HS3ST1: variants seen among roughly 807,000 people sequenced by gnomAD.
HS3ST1 encodes heparan sulfate glucosamine 3-O-sulfotransferase 1.
Under a neutral mutation model 20.7 loss-of-function variants are expected in HS3ST1, and 8 were observed. The observed-to-expected ratio is 0.39, with a 90% CI of 0.23 to 0.70. HS3ST1 has a LOEUF of 0.70. Ranked by LOEUF, HS3ST1 falls within the 30% of genes least tolerant of loss-of-function variation. HS3ST1 has a pLI of 0.46. For missense variants in HS3ST1, 436 were observed against 423.4 expected, an observed-to-expected ratio of 1.03 and a Z score of -0.26; for synonymous variants, 205 against 190.4, an observed-to-expected ratio of 1.08 and a Z score of -0.63.
chr4:11,396,232 G>A lies in HS3ST1; in HGVS notation c.*2850C>T, dbSNP rs1718142280. The A allele has an allele frequency of 6.6e-6, 1 of 152,246 alleles. No homozygotes were observed. Among genetic ancestry groups the A allele is most frequent in the South Asian group, 2.1e-4 (1 of 4,836 alleles). 9.4% of individuals were successfully genotyped at this position (152,246 alleles called of 1,614,324 possible). On this transcript the variant is annotated 3_prime_UTR_variant, in exon 2 of 2. Coordinates refer to ENST00000002596, the MANE Select transcript of HS3ST1 (RefSeq NM_005114.4). The stretch of plus-strand genomic sequence containing the variant: ...TCCTAAACTTGCAAACCTTCAGGTT[G>A]TGAGCTGATAACCAAATGGTGTTAA...
intron 1 of HS3ST1, among the ~76,000 whole-genome samples, chr4:11,403,537 G>T (rs772834740): frequency 1.2e-4 from 18 of 152,164 alleles, no homozygotes; most frequent in Non-Finnish European, 2.4e-4. Context: ...AGGACTTTTG[G>T]CTCCAGAAGT....
rs6813342 is a variant in HS3ST1, at chr4:11,427,335, G to T, written c.-109+1364C>A. On this transcript the variant is annotated intron_variant, in intron 1 of 1. Transcript: ENST00000002596. ...GGGGCTACTGGCGGGAGGCGCAGCC[G>T]AGCTGGTGGTGGCGGGGTTTCCCTC... is the stretch of plus-strand genomic sequence containing the variant. 5.1e-3 allele frequency among the ~76,000 whole-genome samples: 769 copies of T among 152,240 alleles called. 4 individuals carry two copies. The highest frequency in any genetic ancestry group is 0.017 in the African/African-American group (718 of 41,558).
At chr4:11,408,542 G>A (rs185208841) in intron 1 of HS3ST1, among the ~76,000 whole-genome samples, 53 of 152,330 alleles carry the variant, frequency 3.5e-4, no homozygotes, top group South Asian at 8.3e-4. Flanking sequence ...GCTCCTGAAC[G>A]AATGATGAGC....
intron 1 of HS3ST1, among the ~76,000 whole-genome samples, chr4:11,414,947 TAAG>T (rs978650438): frequency 3.9e-5 from 6 of 152,040 alleles, no homozygotes; most frequent in Non-Finnish European, 5.9e-5. Flanking sequence ...CCCAGAAATG[TAAG>T]AAGAAAATGA....
chr4:11,418,373 T>C (rs760463689), intron 1 of HS3ST1, among the ~76,000 whole-genome samples: 1 of 152,242 alleles, frequency 6.6e-6, no homozygotes, highest in Non-Finnish European at 1.5e-5. Context: ...AATGGGTGCT[T>C]TGCATACATT....
intron 1 of HS3ST1, among the ~76,000 whole-genome samples, chr4:11,421,614 A>ACCTACCACAG (rs1360105717): frequency 6.6e-6 from 1 of 152,196 alleles, no homozygotes; most frequent in Non-Finnish European, 1.5e-5. Flanking sequence ...ACATAAAACA[A>ACCTACCACAG]CCTACCACAG....
rs140972324 is a variant in HS3ST1, at chr4:11,399,615, C to T, written c.391G>A (p.Glu131Lys). ...GACGGGTTCATGCTGTAGACTCGCT[C>T]AGGCACTTTGGGCGACGTGAAATAC... ...PAYFTSPKVP[E>K]RVYSMNPSIR... is the part of the protein sequence containing the mutation. Residue 131 changes from glutamate (E) to lysine (K), a missense_variant, in exon 2 of 2, where the codon GAG becomes AAG. Physicochemically the swap from Glu to Lys is moderately conservative, Grantham distance 56. Coordinates refer to ENST00000002596, the MANE Select transcript of HS3ST1 (RefSeq NM_005114.4). The surrounding 1 kb of genome is among the most constrained non-coding windows in gnomAD (Gnocchi z 5.1). The T allele has an allele frequency of 2.0e-4, 319 of 1,613,910 alleles. No individual in the cohort carries two copies. Among genetic ancestry groups the T allele is most frequent in the Non-Finnish European group, 2.5e-4 (299 of 1,180,034 alleles).
intron 1 of HS3ST1, among the ~76,000 whole-genome samples, chr4:11,424,851 C>A: frequency 1.2e-5 from 1 of 81,232 alleles, no homozygotes. Context: ...GAAAGAGGCC[C>A]ATCTCCCACA....
In HS3ST1 at chr4:11,398,911, T is replaced by C; in HGVS notation, c.*171A>G. The C allele has an allele frequency of 3.6e-6, 2 of 561,454 alleles. No homozygotes were observed. The highest frequency in any genetic ancestry group is 6.0e-6 in the Non-Finnish European group (2 of 331,166). The allele number at this position is 561,454 out of a possible 1,614,324, so 34.8% of individuals were successfully genotyped here. A position where few individuals can be genotyped will look rare whatever the true frequency, so the allele number is the denominator to read the frequency against. ...TACAAAATGCCCTCCATTTAACAAG[T>C]AGAAAAATATAACTAGTATATATGG... On this transcript the variant is annotated 3_prime_UTR_variant, in exon 2 of 2. Transcript: ENST00000002596.
rs1405135500 is a variant in HS3ST1, at chr4:11,394,099, A to C, written c.*4983T>G. 1.3e-5 allele frequency: 2 copies of C among 152,240 alleles called. No homozygotes were observed. The highest frequency in any genetic ancestry group is 4.8e-5 in the African/African-American group (2 of 41,458). 9.4% of individuals were successfully genotyped at this position (152,240 alleles called of 1,614,324 possible). ...AAGTCCCAAATGTTTTTAACCACTAAGTAACATATGCACTGGGTTTATAGT... is the reference window on the plus strand; with the variant it reads ...AAGTCCCAAATGTTTTTAACCACTACGTAACATATGCACTGGGTTTATAGT... On this transcript the variant is annotated 3_prime_UTR_variant, in exon 2 of 2. Coordinates refer to ENST00000002596, the MANE Select transcript of HS3ST1 (RefSeq NM_005114.4).
At chr4:11,422,101 A>G (rs1718954760) in intron 1 of HS3ST1, among the ~76,000 whole-genome samples, 2 of 152,370 alleles carry the variant, frequency 1.3e-5, no homozygotes, top group South Asian at 2.1e-4. Flanking sequence ...TTGTATTAAT[A>G]TGCCAGTTAT....
chr4:11,403,343 C>T (rs1718378923), intron 1 of HS3ST1, among the ~76,000 whole-genome samples: 1 of 152,180 alleles, frequency 6.6e-6, no homozygotes, highest in East Asian at 1.9e-4. Flanking sequence ...GATTTCTGGT[C>T]CTTTTTGTAA....
At chr4:11,432,071 C>G (rs1376628899), upstream of HS3ST1, among the ~76,000 whole-genome samples, 1 of 152,084 alleles carries the variant, frequency 6.6e-6, no homozygotes, top group Non-Finnish European at 1.5e-5. Context: ...GTCTAGTGCT[C>G]TATGTAATTA....
chr4:11,404,868 G>A (rs916918613), intron 1 of HS3ST1, among the ~76,000 whole-genome samples: 1 of 152,204 alleles, frequency 6.6e-6, no homozygotes, highest in African/African-American at 2.4e-5. Flanking sequence ...CACAGGGCTT[G>A]CTGTAATCCT....
At position 11,399,988 on chromosome 4, in the gene HS3ST1, C is replaced by G; in HGVS notation, c.18G>C (p.Leu6=). Residue 6 remains leucine (L), a synonymous_variant, in exon 2 of 2, where the codon CTG becomes CTC. Transcript: ENST00000002596. This position sits in a 1 kb window ranked among gnomAD's most constrained non-coding sequence, Gnocchi z 5.1. MAALL[L]GAVLLVAQPQ... is the part of the protein sequence containing the mutation. Reference sequence around the variant, plus strand: ...GCTGGGCCACCAGCAGCACCGCGCCCAGGAGCAGCGCGGCCATGCTGGACA... The same window carrying G: ...GCTGGGCCACCAGCAGCACCGCGCCGAGGAGCAGCGCGGCCATGCTGGACA... The G allele has an allele frequency of 6.5e-7, 1 of 1,531,984 alleles. No individual in the cohort carries two copies. The highest frequency in any genetic ancestry group is 1.2e-5 in the South Asian group (1 of 83,100). The allele number at this position is 1,531,984 out of a possible 1,614,324, so 94.9% of individuals were successfully genotyped here. A position where few individuals can be genotyped will look rare whatever the true frequency, so the allele number is the denominator to read the frequency against.
intron 1 of HS3ST1, among the ~76,000 whole-genome samples, chr4:11,401,782 C>G (rs1273888811): frequency 6.6e-6 from 1 of 152,248 alleles, no homozygotes; most frequent in Non-Finnish European, 1.5e-5. Flanking sequence ...CAAAACTTCT[C>G]CTCTTTACCT....
At chr4:11,430,277 G>A (rs1005787376), upstream of HS3ST1, among the ~76,000 whole-genome samples, 1 of 147,818 alleles carries the variant, frequency 6.8e-6, no homozygotes. Flanking sequence ...TCAGAATAAT[G>A]TTGGCATGTC....
Position 11,399,724 on chromosome 4 carries a change from C to T in HS3ST1, c.282G>A (p.Glu94=). ...ENEVHFFDWE[E]HYSHGLGWYL... is the part of the protein sequence containing the mutation. ...ACCAGCCCAAGCCGTGGCTGTAATG[C>T]TCCTCCCAGTCGAAGAAGTGGACCT... Residue 94 remains glutamate, a synonymous_variant, in exon 2 of 2, where the codon GAG becomes GAA. Coordinates refer to ENST00000002596, the MANE Select transcript of HS3ST1 (RefSeq NM_005114.4). The surrounding 1 kb of genome is among the most constrained non-coding windows in gnomAD (Gnocchi z 5.1). 3 of 1,613,876 alleles carry T rather than the reference C, an allele frequency of 1.9e-6. No individual in the cohort carries two copies. The highest frequency in any genetic ancestry group is 2.5e-6 in the Non-Finnish European group (3 of 1,180,046).
chr4:11,432,642 T>A (rs565016027), upstream of HS3ST1, among the ~76,000 whole-genome samples: 6 of 152,334 alleles, frequency 3.9e-5, no homozygotes, highest in Admixed American at 3.9e-4. Context: ...AAAGATAATT[T>A]TCACTCGTTT....
Sources: allele counts gnomAD v4.1 joint callset (sites outside exome capture counted in the v4.1 genomes callset), GRCh38; gene constraint gnomAD v4.1.1; non-coding constraint Gnocchi (gnomAD v3.1); transcripts MANE v1.5; gene names NCBI Gene and HGNC (gene_info 2026-07-23, HGNC 2026-07-21).